AVEN: variants seen among roughly 807,000 people sequenced by gnomAD.
The protein encoded by AVEN is cell death regulator Aven.
AVEN carries 41 observed loss-of-function variants against 38.1 expected under a neutral mutation model. That is an observed-to-expected ratio of 1.08 (90% CI 0.84 to 1.40). The LOEUF is 1.40. Ranked by LOEUF, AVEN falls within the 40% of genes most tolerant of loss-of-function variation. The pLI is 0.00. For missense variants in AVEN, 605 were observed against 438.8 expected, an observed-to-expected ratio of 1.38 and a Z score of -3.38; for synonymous variants, 206 against 171.8, an observed-to-expected ratio of 1.20 and a Z score of -1.56.
intron 2 of AVEN, among the ~76,000 whole-genome samples, chr15:33,920,901 A>T (rs757619487): frequency 9.2e-5 from 14 of 151,832 alleles, no homozygotes; most frequent in Non-Finnish European, 2.1e-4. Flanking sequence ...TCAGCCCCCC[A>T]AGCAGCTGGG....
chr15:33,864,060 G>A (rs1889518993), downstream of AVEN: 1 of 1,086,012 alleles, frequency 9.2e-7, no homozygotes, highest in East Asian at 2.5e-5. Flanking sequence ...GCCTTTCTGA[G>A]CCCTGATCAC....
intron 11 of AVEN, chr15:33,860,583 T>C: frequency 6.4e-7 from 1 of 1,559,568 alleles, no homozygotes; most frequent in South Asian, 1.2e-5. Flanking sequence ...GTCTTTGTAT[T>C]TAACATTCCA....
intron 1 of AVEN, among the ~76,000 whole-genome samples, chr15:34,009,413 A>G (rs1050705048): frequency 6.6e-6 from 1 of 152,222 alleles, no homozygotes; most frequent in African/African-American, 2.4e-5. Flanking sequence ...CTGATTTTAA[A>G]AGCAATTCTA....
At chr15:33,916,710 A>C (rs1166358246) in intron 2 of AVEN, among the ~76,000 whole-genome samples, 1 of 152,208 alleles carries the variant, frequency 6.6e-6, no homozygotes, top group African/African-American at 2.4e-5. Context: ...GGATGTGGTG[A>C]AAAGGGAACA....
Position 34,053,891 on chromosome 15 carries a change from A to G in AVEN, n.1637+9031T>C, listed in dbSNP as rs531055016. 1.3e-3 allele frequency among the ~76,000 whole-genome samples: 197 copies of G among 152,306 alleles called. 1 individual carries two copies. Among genetic ancestry groups the G allele is most frequent in the African/African-American group, 4.6e-3 (192 of 41,566 alleles). On this transcript the variant is annotated intron_variant and non_coding_transcript_variant, in intron 5 of 11. Transcript: ENST00000675287. Reference sequence around the variant, plus strand: ...GAAACTATCATCAGAGTGAATAGACAACTTACAGAATGGGAGAAAAATTTT... The same window carrying G: ...GAAACTATCATCAGAGTGAATAGACGACTTACAGAATGGGAGAAAAATTTT...
chr15:33,877,612 C>T (rs964786453), intron 2 of AVEN, among the ~76,000 whole-genome samples: 1 of 152,178 alleles, frequency 6.6e-6, no homozygotes, highest in Non-Finnish European at 1.5e-5. Flanking sequence ...GTCAGGAGTT[C>T]AAGACCAGCC....
At chr15:34,073,379 C>CTTTTAAAGCTCTTTAAACTTTTAA (rs1179700959) in intron 1 of AVEN, among the ~76,000 whole-genome samples, 1 of 151,826 alleles carries the variant, frequency 6.6e-6, no homozygotes, top group African/African-American at 2.4e-5. Context: ...TTTAAACACA[C>CTTTTAAAGCTCTTTAAACTTTTAA]AGAGCTGTTA....
intron 2 of AVEN, among the ~76,000 whole-genome samples, chr15:33,915,604 A>G (rs569233590): frequency 6.6e-6 from 1 of 152,328 alleles, no homozygotes; most frequent in South Asian, 2.1e-4. Context: ...AAAGACCACA[A>G]GGAGAAGGGA....
chr15:33,870,430 C>CA (rs1417217149), intron 4 of AVEN, among the ~76,000 whole-genome samples: 1 of 152,158 alleles, frequency 6.6e-6, no homozygotes, highest in African/African-American at 2.4e-5. Flanking sequence ...CTTTAGACCT[C>CA]AGCTCATCTA....
chr15:33,886,807 G>C (rs771308705), intron 2 of AVEN, among the ~76,000 whole-genome samples: 2 of 152,170 alleles, frequency 1.3e-5, no homozygotes, highest in African/African-American at 2.4e-5. Context: ...TCAACTAAAT[G>C]AAGTACAGAG....
At chr15:33,977,256 C>A (rs1052659752) in intron 2 of AVEN, among the ~76,000 whole-genome samples, 4 of 151,908 alleles carry the variant, frequency 2.6e-5, no homozygotes, top group African/African-American at 9.7e-5. Context: ...TTTAGGATAA[C>A]AAGAACAAGC....
intron 2 of AVEN, among the ~76,000 whole-genome samples, chr15:33,918,924 G>GTTTTT: frequency 7.1e-6 from 1 of 139,950 alleles, no homozygotes; most frequent in Non-Finnish European, 1.5e-5. Context: ...CTGCTTTTCT[G>GTTTTT]TTTTTTTTTT....
chr15:33,946,007 A>G (rs935894196), intron 2 of AVEN, among the ~76,000 whole-genome samples: 2 of 152,230 alleles, frequency 1.3e-5, no homozygotes, highest in Non-Finnish European at 2.9e-5. Context: ...CAGGAACTGT[A>G]TATTTTATTC....
intron 2 of AVEN, among the ~76,000 whole-genome samples, chr15:33,902,451 A>T (rs1423746226): frequency 6.6e-6 from 1 of 152,232 alleles, no homozygotes; most frequent in Non-Finnish European, 1.5e-5. Context: ...AATAAAGGTC[A>T]CTCATGAAAA....
intron 2 of AVEN, among the ~76,000 whole-genome samples, chr15:33,882,896 G>A (rs115147524): frequency 0.016 from 2,406 of 152,014 alleles, 68 homozygotes; most frequent in African/African-American, 0.054. Flanking sequence ...ACAAACAAAA[G>A]AAACAAAAAC....
chr15:33,961,799 T>G lies in AVEN; in HGVS notation c.445+41233A>C, dbSNP rs538684924. On this transcript the variant is annotated intron_variant, in intron 2 of 5. Coordinates refer to ENST00000306730, the MANE Select transcript of AVEN (RefSeq NM_020371.3). Reference sequence around the variant, plus strand: ...CTGCACTCCAGCCTGGGCGACAGAGTGAGACTCTGTCTCAAAAAAAAAAAA... The same window carrying G: ...CTGCACTCCAGCCTGGGCGACAGAGGGAGACTCTGTCTCAAAAAAAAAAAA... 9.4e-3 allele frequency among the ~76,000 whole-genome samples: 952 copies of G among 101,414 alleles called. 2 individuals are homozygous for G. Among genetic ancestry groups the G allele is most frequent in the Non-Finnish European group, 0.013 (756 of 56,662 alleles). The allele number at this position is 101,414 out of a possible 152,430, so 66.5% of individuals were successfully genotyped here.
At chr15:33,919,498 A>G (rs1597231372) in intron 2 of AVEN, among the ~76,000 whole-genome samples, 1 of 152,326 alleles carries the variant, frequency 6.6e-6, no homozygotes, top group East Asian at 1.9e-4. Flanking sequence ...AAGCAATGAA[A>G]TCAGAATCTA....
chr15:34,062,659 G>A (rs1900381674), intron 5 of AVEN: 3 of 1,511,806 alleles, frequency 2.0e-6, no homozygotes, highest in African/African-American at 2.8e-5. Context: ...GCCAAGAAGA[G>A]CTGAAATAGA....
Position 33,871,016 on chromosome 15 carries a change from A to G in AVEN, c.531T>C (p.Tyr177=), listed in dbSNP as rs1333879507. 2.5e-6 allele frequency: 4 copies of G among 1,599,294 alleles called. No homozygotes were observed. Among genetic ancestry groups the G allele is most frequent in the Middle Eastern group, 1.7e-4 (1 of 5,828 alleles). ...ASCPKQNSAF[Y]VDSELLVRAL... Reference sequence around the variant, plus strand: ...CTCGAACCAATAACTCACTATCCACATAAAATGCTGAATTCTATATATATA... The same window carrying G: ...CTCGAACCAATAACTCACTATCCACGTAAAATGCTGAATTCTATATATATA... Residue 177 remains tyrosine, a synonymous_variant, in exon 4 of 6, where the codon TAT becomes TAC. Coordinates refer to ENST00000306730, the MANE Select transcript of AVEN (RefSeq NM_020371.3).
Sources: allele counts gnomAD v4.1 joint callset (sites outside exome capture counted in the v4.1 genomes callset), GRCh38; gene constraint gnomAD v4.1.1; transcripts MANE v1.5; gene names NCBI Gene and HGNC (gene_info 2026-07-23, HGNC 2026-07-21).